The following GFOD1 variants were observed in gnomAD, a reference collection of about 807,000 sequenced individuals.
GFOD1 encodes glucose-fructose oxidoreductase domain-containing protein 1.
Under a neutral mutation model 25.4 loss-of-function variants are expected in GFOD1, and 9 were observed. That is an observed-to-expected ratio of 0.35 (90% CI 0.21 to 0.62). GFOD1 has a LOEUF of 0.62. Ranked by LOEUF, GFOD1 falls within the 20% of genes least tolerant of loss-of-function variation. The pLI, the probability that GFOD1 is intolerant of heterozygous loss-of-function variation, is 0.72. For missense variants in GFOD1, 403 were observed against 556.9 expected, an observed-to-expected ratio of 0.72 and a Z score of 2.78; for synonymous variants, 253 against 245.6, an observed-to-expected ratio of 1.03 and a Z score of -0.28.
At chr6:13,410,018 T>TC (rs1385162854) in intron 1 of GFOD1, among the ~76,000 whole-genome samples, 4 of 149,840 alleles carry the variant, frequency 2.7e-5, no homozygotes, top group Non-Finnish European at 5.9e-5. Flanking sequence ...TTTTTTTTTT[T>TC]TTTTTTTAGA....
At chr6:13,398,313 C>T (rs994346854) in intron 1 of GFOD1, among the ~76,000 whole-genome samples, 1 of 152,110 alleles carries the variant, frequency 6.6e-6, no homozygotes, top group Non-Finnish European at 1.5e-5. Context: ...TTACGAGGCT[C>T]ACTTCCTTAG....
chr6:13,381,925 ACACAC>A (rs1785373001), intron 1 of GFOD1, among the ~76,000 whole-genome samples: 1 of 138,990 alleles, frequency 7.2e-6, no homozygotes, highest in Non-Finnish European at 1.5e-5. Flanking sequence ...GCACACACAC[ACACAC>A]ACACACACAC....
At chr6:13,455,566 A>G (rs995485834) in intron 1 of GFOD1, among the ~76,000 whole-genome samples, 9 of 152,242 alleles carry the variant, frequency 5.9e-5, no homozygotes, top group Admixed American at 3.3e-4. Flanking sequence ...AGGAGTAAAC[A>G]TTAAGCCAAA....
intron 1 of GFOD1, among the ~76,000 whole-genome samples, chr6:13,393,802 C>T (rs1220830398): frequency 1.3e-4 from 10 of 75,938 alleles, no homozygotes; most frequent in East Asian, 4.1e-4. Flanking sequence ...TTTTTTGAGA[C>T]GGAGTTTCGC....
chr6:13,456,839 T>A (rs1758198628), intron 1 of GFOD1, among the ~76,000 whole-genome samples: 1 of 152,100 alleles, frequency 6.6e-6, no homozygotes, highest in African/African-American at 2.4e-5. Context: ...CACAGGGACA[T>A]TACTGAGTAG....
intron 1 of GFOD1, among the ~76,000 whole-genome samples, chr6:13,393,708 G>GTTACCTA (rs1200955590): frequency 6.7e-6 from 1 of 150,342 alleles, no homozygotes; most frequent in African/African-American, 2.4e-5. Flanking sequence ...AGAGGGAGTT[G>GTTACCTA]TTACCTATTC....
rs76269505 is a variant in GFOD1, at chr6:13,391,718, G to A, written c.254-26056C>T. On this transcript the variant is annotated intron_variant, in intron 1 of 1. Coordinates refer to ENST00000379287, the MANE Select transcript of GFOD1 (RefSeq NM_018988.4). ...GAGTCTGACCTCAAAGCTCTACCACGTATCTGGACAAGTAACTTAATCTCC... is the reference window on the plus strand; with the variant it reads ...GAGTCTGACCTCAAAGCTCTACCACATATCTGGACAAGTAACTTAATCTCC... 5.5e-3 allele frequency among the ~76,000 whole-genome samples: 833 copies of A among 152,242 alleles called. 6 individuals are homozygous for A. Among genetic ancestry groups the A allele is most frequent in the Non-Finnish European group, 6.9e-3 (466 of 68,014 alleles).
intron 1 of GFOD1, among the ~76,000 whole-genome samples, chr6:13,470,900 T>A (rs1326050124): frequency 1.3e-5 from 2 of 152,178 alleles, no homozygotes; most frequent in Non-Finnish European, 2.9e-5. Flanking sequence ...GCAGTCCCAG[T>A]TCCCTAAAGA....
At chr6:13,397,854 T>C (rs1785765470) in intron 1 of GFOD1, among the ~76,000 whole-genome samples, 1 of 152,184 alleles carries the variant, frequency 6.6e-6, no homozygotes, top group Non-Finnish European at 1.5e-5. Context: ...TATATGAAAA[T>C]AAACACTGTC....
intron 1 of GFOD1, among the ~76,000 whole-genome samples, chr6:13,460,816 T>C (rs1456926549): frequency 6.6e-6 from 1 of 152,236 alleles, no homozygotes; most frequent in Non-Finnish European, 1.5e-5. Context: ...ATGTCCTGCA[T>C]ACGTATTCCA....
chr6:13,375,861 T>C (rs1785245189), intron 1 of GFOD1, among the ~76,000 whole-genome samples: 1 of 152,218 alleles, frequency 6.6e-6, no homozygotes, highest in South Asian at 2.1e-4. Context: ...AATGAGCATT[T>C]ACTCCTGAAA....
chr6:13,399,563 C>T (rs1785802820), intron 1 of GFOD1, among the ~76,000 whole-genome samples: 1 of 152,170 alleles, frequency 6.6e-6, no homozygotes, highest in Admixed American at 6.5e-5. Flanking sequence ...AAATGAACTA[C>T]TGAGACATGC....
chr6:13,464,234 T>C (rs977168124), intron 1 of GFOD1, among the ~76,000 whole-genome samples: 2 of 152,178 alleles, frequency 1.3e-5, no homozygotes, highest in African/African-American at 4.8e-5. Flanking sequence ...CCATTTCCTC[T>C]GGACACACAG....
intron 1 of GFOD1, among the ~76,000 whole-genome samples, chr6:13,416,498 G>C (rs1786165203): frequency 6.6e-6 from 1 of 152,210 alleles, no homozygotes; most frequent in Non-Finnish European, 1.5e-5. Flanking sequence ...GGAATGATGA[G>C]AAGAAGCTAG....
intron 1 of GFOD1, among the ~76,000 whole-genome samples, chr6:13,368,525 A>G (rs1476208886): frequency 6.6e-6 from 1 of 152,218 alleles, no homozygotes; most frequent in Non-Finnish European, 1.5e-5. Context: ...ATGCAGCGGT[A>G]GGTCACTGCA....
At chr6:13,382,097 C>G (rs1291300120) in intron 1 of GFOD1, among the ~76,000 whole-genome samples, 1 of 152,112 alleles carries the variant, frequency 6.6e-6, no homozygotes, top group Non-Finnish European at 1.5e-5. Flanking sequence ...AGTCAAGGCC[C>G]AAGTTCACAT....
At position 13,393,780 on chromosome 6, in the gene GFOD1, C is replaced by CTTTTT. The variant is rs70989854; in HGVS notation, c.254-28123_254-28119dup. Among the ~76,000 whole-genome samples, 113 of 120,226 alleles carry CTTTTT rather than the reference C, an allele frequency of 9.4e-4. 3 individuals are homozygous for CTTTTT. The highest frequency in any genetic ancestry group is 1.2e-3 in the Non-Finnish European group (75 of 60,330). The allele number at this position is 120,226 out of a possible 152,430, so 78.9% of individuals were successfully genotyped here. On this transcript the variant is annotated intron_variant, in intron 1 of 1. Coordinates refer to ENST00000379287, the MANE Select transcript of GFOD1 (RefSeq NM_018988.4). ...CCTTGGCCAATTTCTTTTTTCTTTT[C>CTTTTT]TTTTTTTTTTTTTTTTTGAGACGGA...
intron 1 of GFOD1, among the ~76,000 whole-genome samples, chr6:13,411,534 C>T (rs1443656009): frequency 6.6e-6 from 1 of 152,156 alleles, no homozygotes; most frequent in Non-Finnish European, 1.5e-5. Context: ...TCAAGTGATC[C>T]ACCTGCCTCA....
At chr6:13,398,285 A>C (rs1011857157) in intron 1 of GFOD1, among the ~76,000 whole-genome samples, 1 of 123,014 alleles carries the variant, frequency 8.1e-6, no homozygotes, top group Non-Finnish European at 1.9e-5. Context: ...GCATTCACAG[A>C]CACCTAACTT....
Sources: allele counts gnomAD v4.1 joint callset (sites outside exome capture counted in the v4.1 genomes callset), GRCh38; gene constraint gnomAD v4.1.1; transcripts MANE v1.5; gene names NCBI Gene and HGNC (gene_info 2026-07-23, HGNC 2026-07-21).